Variants in SGCD observed in about 807,000 individuals in gnomAD.
SGCD encodes sarcoglycan delta.
In SGCD, 18 loss-of-function variants were observed where a neutral mutation model predicts 36.6. That is an observed-to-expected ratio of 0.49 (90% confidence interval 0.34 to 0.73). The LOEUF (loss-of-function observed/expected upper bound fraction) is 0.73, where lower values mean the gene tolerates loss of function less well. Among genes scored for constraint, SGCD ranks in the 30% least tolerant of loss-of-function variants. The pLI is 0.01. For missense variants in SGCD, 387 were observed against 346.7 expected, an observed-to-expected ratio of 1.12 and a Z score of -0.92; for synonymous variants, 133 against 130.6, an observed-to-expected ratio of 1.02 and a Z score of -0.12.
chr5:156,034,774 T>G (rs1348433240), intron 1 of SGCD, among the ~76,000 whole-genome samples: 1 of 152,230 alleles, frequency 6.6e-6, no homozygotes, highest in Admixed American at 6.5e-5. Flanking sequence ...TCATCCTTCA[T>G]GCAAGCAGGA....
rs377301544 is a variant in SGCD at position 156,182,251 on chromosome 5, G to A, written c.-44+58232G>A. Reference sequence around the variant, plus strand: ...GTAAGATATCAAGACCTTTTATAAAGCTATAGCAATTAAGATTAGAGTATT... The same window carrying A: ...GTAAGATATCAAGACCTTTTATAAAACTATAGCAATTAAGATTAGAGTATT... On this transcript the variant is annotated intron_variant, in intron 3 of 9. Coordinates refer to the SGCD transcript ENST00000517913. 1.8e-4 allele frequency among the ~76,000 whole-genome samples: 27 copies of A among 152,316 alleles called. No homozygotes were observed. In the East Asian group the frequency reaches 4.8e-3, roughly 27 times the overall value.
At chr5:156,184,010 A>G (rs969894924) in intron 3 of SGCD, among the ~76,000 whole-genome samples, 2 of 152,228 alleles carry the variant, frequency 1.3e-5, no homozygotes, top group African/African-American at 2.4e-5. Flanking sequence ...GTTGAAATGT[A>G]TTTAATATTC....
At chr5:156,694,914 A>G (rs1214932631) in intron 7 of SGCD, among the ~76,000 whole-genome samples, 3 of 152,194 alleles carry the variant, frequency 2.0e-5, no homozygotes, top group Non-Finnish European at 4.4e-5. Context: ...ATTTACCTTT[A>G]TCTCATCCTA....
At chr5:156,585,816 C>G (rs1293289991) in intron 4 of SGCD, among the ~76,000 whole-genome samples, 1 of 152,120 alleles carries the variant, frequency 6.6e-6, no homozygotes, top group Non-Finnish European at 1.5e-5. Context: ...CTTTCTGAAA[C>G]TCAAGATCTT....
chr5:155,951,625 G>C (rs1269613825), intron 1 of SGCD, among the ~76,000 whole-genome samples: 1 of 152,014 alleles, frequency 6.6e-6, no homozygotes, highest in Non-Finnish European at 1.5e-5. Flanking sequence ...TATAATATGT[G>C]CACTTTTCTG....
chr5:155,944,540 T>C (rs17053050), intron 1 of SGCD, among the ~76,000 whole-genome samples: 17,022 of 152,208 alleles, frequency 0.11, 1,146 homozygotes, highest in African/African-American at 0.18. Context: ...AGTATAGAGT[T>C]GAGAACAGAA....
chr5:156,462,472 A>G (rs1257918183), intron 3 of SGCD, among the ~76,000 whole-genome samples: 2 of 152,192 alleles, frequency 1.3e-5, no homozygotes, highest in African/African-American at 4.8e-5. Context: ...AGACACAAAG[A>G]AAGGAAAGGA....
chr5:155,772,102 G>A, the SGCD span, among the ~76,000 whole-genome samples: 3 of 152,134 alleles, frequency 2.0e-5, no homozygotes, highest in Non-Finnish European at 4.4e-5. Context: ...AGGGCTGGCA[G>A]TAGGTACTAC....
rs190935424 is a variant in SGCD at position 156,594,951 on chromosome 5, T to C, written c.402T>C (p.Ala134=). ...TCTCAGGTCCAAAAGCCGTAGAAGC[T>C]TATGGTAAAAAATTTGAGGTAAAAA... ...QLITGPKAVE[A]YGKKFEVKTV... Residue 134 remains alanine, a synonymous_variant, in exon 6 of 9, where the codon GCT becomes GCC. Coordinates refer to ENST00000337851, the MANE Select transcript of SGCD (RefSeq NM_000337.6). 6.8e-5 allele frequency: 109 copies of C among 1,609,710 alleles called. No individual in the cohort carries two copies. The East Asian group carries it at 1.5e-3, about 23-fold the overall frequency.
At chr5:156,219,461 C>A (rs370723949) in intron 3 of SGCD, among the ~76,000 whole-genome samples, 28 of 152,016 alleles carry the variant, frequency 1.8e-4, no homozygotes, top group African/African-American at 6.0e-4. Flanking sequence ...TAACTTATAT[C>A]GACAAGAATG....
intron 3 of SGCD, among the ~76,000 whole-genome samples, chr5:156,360,750 G>T (rs1166426414): frequency 6.6e-6 from 1 of 152,104 alleles, no homozygotes; most frequent in Non-Finnish European, 1.5e-5. Flanking sequence ...TTTGGGGGAA[G>T]ACGACTCACC....
chr5:155,768,188 G>A, the SGCD span, among the ~76,000 whole-genome samples: 4 of 152,122 alleles, frequency 2.6e-5, no homozygotes, highest in Admixed American at 2.6e-4. Context: ...AATTGTCTAT[G>A]TTATTCTCCA....
intron 2 of SGCD, among the ~76,000 whole-genome samples, chr5:156,338,918 A>G (rs1004814203): frequency 2.7e-5 from 4 of 150,212 alleles, no homozygotes; most frequent in African/African-American, 7.4e-5. Context: ...GTCCAAGTCA[A>G]CTCTTGAGAT....
chr5:156,072,906 G>T (rs1036506752), intron 1 of SGCD, among the ~76,000 whole-genome samples: 4 of 152,098 alleles, frequency 2.6e-5, no homozygotes, highest in African/African-American at 9.6e-5. Flanking sequence ...GACACCCTTT[G>T]TTCCAGTTGA....
At chr5:156,616,197 A>T (rs280461) in intron 6 of SGCD, among the ~76,000 whole-genome samples, 1 of 152,004 alleles carries the variant, frequency 6.6e-6, no homozygotes, top group Non-Finnish European at 1.5e-5. Context: ...AGTGGTTATC[A>T]TCCTAATATA....
chr5:155,749,455 A>G, the SGCD span, among the ~76,000 whole-genome samples: 2 of 152,248 alleles, frequency 1.3e-5, no homozygotes, highest in Admixed American at 6.5e-5. Context: ...AAACACATGT[A>G]TATCCTTGTC....
intron 3 of SGCD, among the ~76,000 whole-genome samples, chr5:156,444,153 TCTC>T (rs1753655838): frequency 7.1e-6 from 1 of 140,978 alleles, no homozygotes; most frequent in Non-Finnish European, 1.6e-5. Flanking sequence ...CCTTTCTCTC[TCTC>T]CTTCCCTCTC....
At chr5:156,228,577 G>T (rs1248435946) in intron 3 of SGCD, among the ~76,000 whole-genome samples, 1 of 152,014 alleles carries the variant, frequency 6.6e-6, no homozygotes, top group Non-Finnish European at 1.5e-5. Context: ...TAGTTGGCTG[G>T]TATCTGATCA....
intron 1 of SGCD, among the ~76,000 whole-genome samples, chr5:155,891,784 C>T (rs543407205): frequency 1.4e-4 from 21 of 151,822 alleles, no homozygotes; most frequent in Non-Finnish European, 2.4e-4. Flanking sequence ...GTTACCATGG[C>T]GGTTAAGGCC....
Sources: gnomAD v4.1 joint callset for allele counts (sites outside exome capture counted in the v4.1 genomes callset) on GRCh38, gnomAD v4.1.1 for gene constraint, MANE v1.5 for transcripts, NCBI Gene and HGNC (gene_info 2026-07-23, HGNC 2026-07-21) for gene names.